The following REXO1 variants were observed in gnomAD, a reference collection of about 807,000 sequenced individuals.
The protein encoded by REXO1 is REX1, RNA exonuclease 1 homolog.
In REXO1, 42 loss-of-function variants were observed where a neutral mutation model predicts 102.6. The ratio of observed to expected loss-of-function variants is 0.41; its 90% CI spans 0.32 to 0.53. REXO1 has a LOEUF of 0.53. Ranked by LOEUF, REXO1 falls within the 20% of genes least tolerant of loss-of-function variation. REXO1 has a pLI of 0.27. For missense variants in REXO1, 1,819 were observed against 1,732.5 expected (o/e 1.05, Z -0.89); for synonymous variants, 908 against 779.1 (o/e 1.17, Z -2.76).
chr19:1,817,213 C>G lies in REXO1; in HGVS notation c.3201+6G>C. ...GAACCCGACGCTGGGCAGAGAACAGCCTCACCATCTCGCAGTCCAGGGCGT... is the reference window on the plus strand; with the variant it reads ...GAACCCGACGCTGGGCAGAGAACAGGCTCACCATCTCGCAGTCCAGGGCGT... On this transcript the variant is annotated splice_donor_region_variant and intron_variant, in intron 12 of 15. Transcript: ENST00000170168. 1 of 1,611,964 alleles carries G rather than the reference C, an allele frequency of 6.2e-7. No individual in the cohort carries two copies.
At chr19:1,834,377 C>A (rs937074842) in intron 1 of REXO1, among the ~76,000 whole-genome samples, 3 of 152,172 alleles carry the variant, frequency 2.0e-5, no homozygotes, top group South Asian at 2.1e-4. Context: ...AGGGTCCAAT[C>A]TGGGGGACGT....
intron 1 of REXO1, among the ~76,000 whole-genome samples, chr19:1,840,297 C>G (rs1306299311): frequency 6.6e-6 from 1 of 152,136 alleles, no homozygotes; most frequent in African/African-American, 2.4e-5. Flanking sequence ...AACACTGACC[C>G]AGAGGCACGG....
rs1393774421 is a variant in REXO1, at chr19:1,820,064, G to T, written c.2527-7C>A. The T allele has an allele frequency of 6.3e-7, 1 of 1,599,528 alleles. No homozygotes were observed. Among genetic ancestry groups the T allele is most frequent in the Admixed American group, 1.8e-5 (1 of 54,614 alleles). On this transcript the variant is annotated splice_polypyrimidine_tract_variant and splice_region_variant and intron_variant, in intron 6 of 15. Coordinates refer to ENST00000170168, the MANE Select transcript of REXO1 (RefSeq NM_020695.4). ...CCTTCTCCTCGTTCAGTGCCTGGGG[G>T]ACAGGCGGTGCCCAGCTGAGGCCAT... is the stretch of plus-strand genomic sequence containing the variant.
Position 1,848,215 on chromosome 19 carries a change from C to A in REXO1, c.144G>T (p.Ala48=). The change falls in exon 1 of 16, where the codon GCG becomes GCT. Residue 48 remains alanine, a synonymous_variant. Coordinates refer to ENST00000170168, the MANE Select transcript of REXO1 (RefSeq NM_020695.4). ...GGCGGGCATTACCTGCTGCGGGGGGCGCCTCTCCGCCGTCACCGGGCGCGC... is the reference window on the plus strand; with the variant it reads ...GGCGGGCATTACCTGCTGCGGGGGGAGCCTCTCCGCCGTCACCGGGCGCGC... ...GSGAPGDGGE[A]PPAAGLGYDP... is the part of the protein sequence containing the mutation. The A allele has an allele frequency of 8.2e-7, 1 of 1,222,186 alleles. No individual in the cohort carries two copies. The highest frequency in any genetic ancestry group is 4.0e-5 in the South Asian group (1 of 24,930). 75.7% of individuals were successfully genotyped at this position (1,222,186 alleles called of 1,614,324 possible). A position where few individuals can be genotyped will look rare whatever the true frequency, so the allele number is the denominator to read the frequency against.
Position 1,816,241 on chromosome 19 carries a change from C to CTG in REXO1, c.3559_3560dup (p.Gln1187HisfsTer24). On this transcript the variant is annotated frameshift_variant, in exon 15 of 16. Transcript: ENST00000170168. LOFTEE classifies it high-confidence loss of function. ...GGCACTCACCATTGTCCTGGATGAT[C>CTG]TGTCTGAGGTAGTCGGCCATGAGGT... 1 of 1,588,068 alleles carries CTG rather than the reference C, an allele frequency of 6.3e-7. No homozygotes were observed. Among genetic ancestry groups the CTG allele is most frequent in the Non-Finnish European group, 8.6e-7 (1 of 1,167,258 alleles).
intron 1 of REXO1, among the ~76,000 whole-genome samples, 162 bp downstream of exon 1, chr19:1,848,040 G>C (rs1568725640): frequency 6.6e-6 from 1 of 152,216 alleles, no homozygotes; most frequent in Non-Finnish European, 1.5e-5. Flanking sequence ...CTTTGCACCG[G>C]GTCCCAGGGT....
intron 1 of REXO1, among the ~76,000 whole-genome samples, chr19:1,833,040 G>C (rs186062704): frequency 1.3e-5 from 2 of 151,872 alleles, no homozygotes; most frequent in South Asian, 2.1e-4. Flanking sequence ...TAGGCAACAC[G>C]GCGAGACCCC....
rs1282888676 is a variant in REXO1 at position 1,816,785 on chromosome 19, G to A, written c.3230C>T (p.Thr1077Met). The A allele has an allele frequency of 4.3e-6, 7 of 1,612,610 alleles. No individual in the cohort carries two copies. Among genetic ancestry groups the A allele is most frequent in the East Asian group, 2.2e-5 (1 of 44,846 alleles). ...MSYTTYGLEL[T>M]RVTVVDTDVH... ...GTCCGTGTCGACCACCGTGACGCGC[G>A]TCAGCTCCAGGCCATATGTGGTGTA... is the stretch of plus-strand genomic sequence containing the variant. The change falls in exon 13 of 16, where the codon ACG becomes ATG. Residue 1077 changes from threonine to methionine, a missense_variant. Transcript: ENST00000170168.
In REXO1 at chr19:1,823,742, G is replaced by C. The variant is rs1385574587; in HGVS notation, c.2060C>G (p.Pro687Arg). The C allele has an allele frequency of 1.0e-5, 13 of 1,261,836 alleles. No homozygotes were observed. Among genetic ancestry groups the C allele is most frequent in the Non-Finnish European group, 1.3e-5 (13 of 997,266 alleles). 78.2% of individuals were successfully genotyped at this position (1,261,836 alleles called of 1,614,324 possible). A position where few individuals can be genotyped will look rare whatever the true frequency, so the allele number is the denominator to read the frequency against. The change falls in exon 4 of 16, where the codon CCC becomes CGC. Residue 687 changes from proline to arginine, a missense_variant. By Grantham distance (103) the Pro-to-Arg change is moderately radical (BLOSUM62 -2). Coordinates refer to ENST00000170168, the MANE Select transcript of REXO1 (RefSeq NM_020695.4). ...GTAGCACACCTCCTGCGCCGTCGGG[G>C]GCCGGGCCGGGGGCACCGCGGGACC... Reference protein sequence around the residue: ...RRGPAVPPARPPTAQEVCYLR... With the variant: ...RRGPAVPPARRPTAQEVCYLR...
chr19:1,840,947 C>T (rs963779109), intron 1 of REXO1, among the ~76,000 whole-genome samples: 1 of 152,206 alleles, frequency 6.6e-6, no homozygotes, highest in African/African-American at 2.4e-5. Flanking sequence ...TTCCTGAGGC[C>T]GGAAGCAGGG....
At position 1,848,436 on chromosome 19, in the gene REXO1, G is replaced by T. The variant is rs1354465239; in HGVS notation, c.-78C>A. On this transcript the variant is annotated 5_prime_UTR_variant, in exon 1 of 16. Transcript: ENST00000170168. Reference sequence around the variant, plus strand: ...CCTCACTGGCGCCGCGGTCGCCGCCGCCCGCGCCTCACGGACCCCGCCGCC... The same window carrying T: ...CCTCACTGGCGCCGCGGTCGCCGCCTCCCGCGCCTCACGGACCCCGCCGCC... The T allele has an allele frequency of 7.5e-6, 8 of 1,064,542 alleles. No individual in the cohort carries two copies. Among genetic ancestry groups the T allele is most frequent in the Non-Finnish European group, 8.0e-6 (7 of 870,820 alleles). 65.9% of individuals were successfully genotyped at this position (1,064,542 alleles called of 1,614,324 possible).
rs147221520 is a variant in REXO1 at position 1,840,275 on chromosome 19, G to A, written c.157+7927C>T. On this transcript the variant is annotated intron_variant, in intron 1 of 15. Coordinates refer to ENST00000170168, the MANE Select transcript of REXO1 (RefSeq NM_020695.4). ...AGATCTGAGGAAGGAAGGAAAGTGG[G>A]AAGGGGAAGGAAACACTGACCCAGA... is the stretch of plus-strand genomic sequence containing the variant. 6.3e-3 allele frequency among the ~76,000 whole-genome samples: 959 copies of A among 152,290 alleles called. 10 individuals are homozygous for A. Among genetic ancestry groups the A allele is most frequent in the Middle Eastern group, 0.02 (6 of 294 alleles).
chr19:1,819,945 G>A lies in REXO1; in HGVS notation c.2639C>T (p.Pro880Leu), dbSNP rs1353814019. 1 of 1,580,796 alleles carries A rather than the reference G, an allele frequency of 6.3e-7. No homozygotes were observed. The highest frequency in any genetic ancestry group is 1.4e-5 in the African/African-American group (1 of 72,028). ...CCGCCAGGACTCACTGCTGAGGCCG[G>A]GCACAGCGCTGGGGGCCAGGCCCCT... ...KLRGLAPSAV[P>L]GLSKTSGRRV... The change falls in exon 7 of 16, where the codon CCC (proline) becomes CTC (leucine). Residue 880 changes from proline to leucine, a missense_variant. Physicochemically the swap from Pro to Leu is moderately conservative, Grantham distance 98. Transcript: ENST00000170168.
chr19:1,839,073 C>T (rs886534101), intron 1 of REXO1, among the ~76,000 whole-genome samples: 4 of 151,964 alleles, frequency 2.6e-5, no homozygotes, highest in African/African-American at 4.8e-5. Flanking sequence ...CTGGGCAACA[C>T]GGTGAAACTC....
chr19:1,817,652 G>A (rs946069482), intron 11 of REXO1, 55 bp downstream of exon 11: 20 of 1,556,746 alleles, frequency 1.3e-5, no homozygotes, highest in Non-Finnish European at 1.8e-5. Context: ...ACCAACGATG[G>A]GGAGGCAGAA....
At chr19:1,839,884 G>A (rs905628921) in intron 1 of REXO1, among the ~76,000 whole-genome samples, 9 of 152,362 alleles carry the variant, frequency 5.9e-5, no homozygotes, top group East Asian at 1.9e-4. Flanking sequence ...TGCACGGGGC[G>A]GTGGCCAACT....
intron 1 of REXO1, among the ~76,000 whole-genome samples, chr19:1,832,227 C>G (rs1221891624): frequency 6.6e-6 from 1 of 152,188 alleles, no homozygotes; most frequent in Admixed American, 6.5e-5. Flanking sequence ...AAGGCGGGCA[C>G]TGACTCTCCC....
At position 1,848,285 on chromosome 19, in the gene REXO1, C is replaced by G; in HGVS notation, c.74G>C (p.Arg25Pro). 17 of 1,232,588 alleles carry G rather than the reference C, an allele frequency of 1.4e-5. No homozygotes were observed. The highest frequency in any genetic ancestry group is 1.7e-5 in the Non-Finnish European group (17 of 982,524). The allele number at this position is 1,232,588 out of a possible 1,614,324, so 76.4% of individuals were successfully genotyped here. ...YWSGAPGGPC[R>P]RPYCHFRHRG... ...GTGCCGGAAGTGGCAGTAGGGCCGC[C>G]GGCAGGGCCCCCCGGGCGCCCCAGA... The change falls in exon 1 of 16, where the codon CGG (arginine) becomes CCG (proline). Residue 25 changes from arginine (R) to proline (P), a missense_variant. Coordinates refer to ENST00000170168, the MANE Select transcript of REXO1 (RefSeq NM_020695.4).
Position 1,820,124 on chromosome 19 carries a change from T to A in REXO1, c.2527-67A>T. ...GTGCCGGGGAGCCCCAGCGGTGGGG[T>A]CGCCATGGGGTCGGGGACTTGCATC... On this transcript the variant is annotated intron_variant, in intron 6 of 15. Coordinates refer to ENST00000170168, the MANE Select transcript of REXO1 (RefSeq NM_020695.4). The A allele has an allele frequency of 4.5e-6, 7 of 1,571,612 alleles. No individual in the cohort carries two copies. In the South Asian group the frequency reaches 7.0e-5, roughly 16 times the overall value.
Sources: allele counts gnomAD v4.1 joint callset (sites outside exome capture counted in the v4.1 genomes callset), GRCh38; gene constraint gnomAD v4.1.1; transcripts MANE v1.5; gene names NCBI Gene and HGNC (gene_info 2026-07-23, HGNC 2026-07-21).